Variants in RFC5 observed in about 807,000 individuals in gnomAD.
The protein encoded by RFC5 is replication factor C subunit 5, also known as A1 36 kDa subunit.
A neutral mutation model predicts 44.3 loss-of-function variants in RFC5; 26 were observed. That is an observed-to-expected ratio of 0.59 (90% CI 0.43 to 0.81). The LOEUF is 0.81. Among genes scored for constraint, RFC5 ranks in the 40% least tolerant of loss-of-function variants. The pLI is 0.00. For missense variants in RFC5, 328 were observed against 418.6 expected (o/e 0.78, Z 1.89); for synonymous variants, 155 against 155.2 (o/e 1.00, Z 0.01).
At chr12:118,027,850 A>T in intron 8 of RFC5, 103 bp from the exon 9 acceptor site, 1 of 732,410 alleles carries the variant, frequency 1.4e-6, no homozygotes, top group Non-Finnish European at 2.5e-6. Context: ...TGTTGGGATT[A>T]AAAGCCTTAC....
chr12:118,037,528 C>CGTG (rs1196045024), downstream of RFC5, among the ~76,000 whole-genome samples: 3 of 151,924 alleles, frequency 2.0e-5, no homozygotes, highest in Non-Finnish European at 4.4e-5. Flanking sequence ...ATTAGCCAGG[C>CGTG]GTGGTGTAGC....
chr12:118,022,459 G>C lies in RFC5; in HGVS notation c.421+100G>C, dbSNP rs973563204. The C allele has an allele frequency of 1.6e-5, 14 of 855,868 alleles. No homozygotes were observed. In the African/African-American group the frequency reaches 2.2e-4, roughly 14 times the overall value. The allele number at this position is 855,868 out of a possible 1,614,324, so 53.0% of individuals were successfully genotyped here. On this transcript the variant is annotated intron_variant, in intron 5 of 10. Transcript: ENST00000454402. ...CTGTTGTCATTGTTTTTTTAGGCGG[G>C]GGGGAGTTTTTTTTTCTTTTTTTGA...
chr12:118,034,381 G>T, downstream of RFC5: 1 of 1,610,678 alleles, frequency 6.2e-7, no homozygotes, highest in Non-Finnish European at 8.5e-7. Context: ...AGAAACCGAT[G>T]CTAAGACAGA....
chr12:118,027,412 C>T (rs2031020478), intron 8 of RFC5: 1 of 173,970 alleles, frequency 5.7e-6, no homozygotes, highest in South Asian at 1.4e-4. Flanking sequence ...GTGGCTCATG[C>T]CTATAATCCC....
At chr12:118,040,894 A>G in the RFC5 span, among the ~76,000 whole-genome samples, 1 of 152,168 alleles carries the variant, frequency 6.6e-6, no homozygotes, top group Non-Finnish European at 1.5e-5. Context: ...CTAAAAATAC[A>G]AAACATTAGC....
chr12:118,023,890 A>T (rs990590921), intron 5 of RFC5, among the ~76,000 whole-genome samples: 17 of 152,132 alleles, frequency 1.1e-4, no homozygotes, highest in African/African-American at 3.6e-4. Flanking sequence ...ATTTTGTAAA[A>T]TCCCACGGAG....
chr12:118,027,021 A>AT lies in RFC5; in HGVS notation c.793+4dup. The AT allele has an allele frequency of 6.2e-7, 1 of 1,611,298 alleles. No individual in the cohort carries two copies. The highest frequency in any genetic ancestry group is 8.5e-7 in the Non-Finnish European group (1 of 1,179,752). On this transcript the variant is annotated splice_donor_region_variant and intron_variant, in intron 8 of 10. Transcript: ENST00000454402. ...AGATTTCACCACAGCCTACAGAAGT[A>AT]TCCTTTCTCATGACCTCCTGGCCAC...
intron 6 of RFC5, chr12:118,025,398 T>A (rs1482064619): frequency 3.1e-6 from 1 of 323,014 alleles, no homozygotes; most frequent in Non-Finnish European, 5.7e-6. Context: ...GTAGCCGACC[T>A]GAGCAGCTGC....
At chr12:118,029,248 C>T (rs894995078) in intron 9 of RFC5, among the ~76,000 whole-genome samples, 1 of 151,922 alleles carries the variant, frequency 6.6e-6, no homozygotes, top group Non-Finnish European at 1.5e-5. Context: ...GGTGAAACCG[C>T]ATCTCTACAA....
In RFC5 at chr12:118,019,832, T is replaced by C; in HGVS notation, c.267+64T>C. 1 of 1,370,896 alleles carries C rather than the reference T, an allele frequency of 7.3e-7. No homozygotes were observed. Among genetic ancestry groups the C allele is most frequent in the Non-Finnish European group, 1.0e-6 (1 of 986,002 alleles). 84.9% of individuals were successfully genotyped at this position (1,370,896 alleles called of 1,614,324 possible). ...GACTCCAGTCTCTTAATTTCAGTTC[T>C]GCTGGTTTTATTTTACTTTAAAAGT... On this transcript the variant is annotated intron_variant, in intron 3 of 10. Transcript: ENST00000454402. This position sits in a 1 kb window ranked among gnomAD's most constrained non-coding sequence, Gnocchi z 4.2.
chr12:118,026,832 C>T, intron 7 of RFC5, 57 bp from the exon 8 acceptor site: 1 of 1,582,044 alleles, frequency 6.3e-7, no homozygotes, highest in Non-Finnish European at 8.6e-7. Context: ...CTCCCTGCAG[C>T]TTGGTGGCAG....
At chr12:118,023,988 A>G (rs759804359) in intron 5 of RFC5, among the ~76,000 whole-genome samples, 41 of 152,064 alleles carry the variant, frequency 2.7e-4, no homozygotes, top group Admixed American at 9.2e-4. Context: ...AGGCTGAGGC[A>G]GGCATATCAC....
Position 118,027,960 on chromosome 12 carries a change from A to G in RFC5, c.801A>G (p.Thr267=). Residue 267 remains threonine, a synonymous_variant, in exon 9 of 11, where the codon ACA becomes ACG. Transcript: ENST00000454402. ...QDFTTAYRNI[T]ELKTLKGLAL... is the part of the protein sequence containing the mutation. ...CCTTAACTGCTCCTCTAGATATTAC[A>G]GAGTTGAAAACTCTGAAGGGGTTGG... The G allele has an allele frequency of 1.9e-6, 3 of 1,603,032 alleles. No homozygotes were observed. Among genetic ancestry groups the G allele is most frequent in the Non-Finnish European group, 2.6e-6 (3 of 1,170,148 alleles).
chr12:118,031,278 G>C lies in RFC5; in HGVS notation c.1023G>C (p.Ter341TyrextTer3), dbSNP rs755743905. The change falls in exon 11 of 11, where the codon TAG becomes TAC. Residue 341 changes from the stop codon to tyrosine (Y), a stop_lost. Coordinates refer to ENST00000454402, the MANE Select transcript of RFC5 (RefSeq NM_007370.7). ...GAGACCTGATTGTTGCAGAGGCCTA[G>C]ATGCTCTGAGGGCCATTCACAATTC... ...VTRDLIVAEA[*>Y] The C allele has an allele frequency of 8.1e-6, 13 of 1,598,998 alleles. No homozygotes were observed. In the East Asian group the frequency reaches 2.9e-4, roughly 36 times the overall value.
chr12:118,025,497 TCC>T, intron 6 of RFC5: 1 of 452,734 alleles, frequency 2.2e-6, no homozygotes. Flanking sequence ...GACGACTGGC[TCC>T]ATGGGAGAAT....
intron 10 of RFC5, among the ~76,000 whole-genome samples, 176 bp from the exon 11 acceptor site, chr12:118,031,006 G>A (rs997403599): frequency 6.6e-6 from 1 of 152,130 alleles, no homozygotes; most frequent in Non-Finnish European, 1.5e-5. Context: ...AATGTGTAGG[G>A]CAGAGAAGAA....
intron 1 of RFC5, chr12:118,017,820 G>C: frequency 1.5e-6 from 1 of 675,428 alleles, no homozygotes; most frequent in Non-Finnish European, 2.7e-6. Context: ...TTAGAGGCGA[G>C]CTACCAAGCC....
chr12:118,027,185 T>C, intron 8 of RFC5, 167 bp downstream of exon 8: 1 of 650,130 alleles, frequency 1.5e-6, no homozygotes, highest in Non-Finnish European at 2.7e-6. Flanking sequence ...GTACTTGTCT[T>C]TAGCACTCCA....
At position 118,022,371 on chromosome 12, in the gene RFC5, CA is replaced by C. The variant is rs1478113208; in HGVS notation, c.421+13del. 6.3e-7 allele frequency: 1 copy of C among 1,594,280 alleles called. No homozygotes were observed. The highest frequency in any genetic ancestry group is 8.6e-7 in the Non-Finnish European group (1 of 1,161,960). On this transcript the variant is annotated intron_variant, in intron 5 of 10. Transcript: ENST00000454402. ...TGCCTTGAGAAGAGGTAAGCAGAGG[CA>C]CTGTGGAGCGTTTGGGCTGGTGTGC...
Sources: gnomAD v4.1 joint callset for allele counts (sites outside exome capture counted in the v4.1 genomes callset) on GRCh38, gnomAD v4.1.1 for gene constraint, Gnocchi (gnomAD v3.1) non-coding constraint, MANE v1.5 for transcripts, NCBI Gene and HGNC (gene_info 2026-07-23, HGNC 2026-07-21) for gene names.